The following SORCS1 variants were observed in gnomAD, a reference collection of about 807,000 sequenced individuals.
SORCS1 encodes the protein VPS10 domain-containing receptor SorCS1.
SORCS1 carries 60 observed loss-of-function variants against 146.1 expected under a neutral mutation model. The ratio of observed to expected loss-of-function variants is 0.41; its 90% CI spans 0.33 to 0.51. The LOEUF (loss-of-function observed/expected upper bound fraction) is 0.51. SORCS1 is among the 20% of genes least tolerant of loss of function. The pLI, the probability that SORCS1 is intolerant of heterozygous loss-of-function variation, is 0.21. For missense variants in SORCS1, 1,352 were observed against 1,487.6 expected (o/e 0.91, Z 1.50); for synonymous variants, 637 against 584.0 (o/e 1.09, Z -1.31).
In SORCS1 at chr10:107,134,057, T is replaced by C. The variant is rs150460145; in HGVS notation, c.558+29912A>G. Among the ~76,000 whole-genome samples, 204 of 152,242 alleles carry C rather than the reference T, an allele frequency of 1.3e-3. 2 individuals carry two copies. The highest frequency in any genetic ancestry group is 4.8e-3 in the African/African-American group (201 of 41,530). On this transcript the variant is annotated intron_variant, in intron 1 of 25. Transcript: ENST00000263054. The stretch of plus-strand genomic sequence containing the variant: ...CTACTGTTGCTATTATTACTACTAG[T>C]AGTAGTAGCAGTGCTAGTAGTAGTG...
At chr10:106,628,303 C>G (rs997573235) in intron 19 of SORCS1, among the ~76,000 whole-genome samples, 3 of 152,202 alleles carry the variant, frequency 2.0e-5, no homozygotes, top group Non-Finnish European at 4.4e-5. Context: ...CTAATTGATA[C>G]TTTCTGTATT....
At chr10:106,804,710 T>C (rs535700807) in intron 3 of SORCS1, among the ~76,000 whole-genome samples, 19 of 152,280 alleles carry the variant, frequency 1.2e-4, no homozygotes, top group African/African-American at 4.3e-4. Flanking sequence ...TAAATAGACT[T>C]TTCCTAGCAT....
intron 17 of SORCS1, among the ~76,000 whole-genome samples, chr10:106,653,716 A>G (rs1453304020): frequency 3.3e-5 from 5 of 152,230 alleles, no homozygotes; most frequent in Non-Finnish European, 7.3e-5. Flanking sequence ...TGAACACTAT[A>G]GATCACTACA....
chr10:106,624,253 A>C (rs1200507173), intron 19 of SORCS1, among the ~76,000 whole-genome samples: 1 of 152,124 alleles, frequency 6.6e-6, no homozygotes, highest in African/African-American at 2.4e-5. Flanking sequence ...GTAAGTGAAA[A>C]GACCACGAGG....
At chr10:106,814,789 C>G (rs1947649567) in intron 3 of SORCS1, among the ~76,000 whole-genome samples, 1 of 151,526 alleles carries the variant, frequency 6.6e-6, no homozygotes, top group Non-Finnish European at 1.5e-5. Flanking sequence ...GTGGTGGGCG[C>G]CTGTAGTCCC....
chr10:107,172,162 T>C, the SORCS1 span, among the ~76,000 whole-genome samples: 1 of 152,226 alleles, frequency 6.6e-6, no homozygotes, highest in African/African-American at 2.4e-5. Flanking sequence ...TCTCCATTTC[T>C]CCATCTCTCA....
chr10:107,063,718 G>A (rs942113025), intron 1 of SORCS1, among the ~76,000 whole-genome samples: 1 of 152,128 alleles, frequency 6.6e-6, no homozygotes, highest in Non-Finnish European at 1.5e-5. Context: ...AGCTTTATAT[G>A]TTTAACAATT....
rs1457379410 is a variant in SORCS1, at chr10:107,164,186, T to C, written c.341A>G (p.Asp114Gly). Reference protein sequence around the residue: ...RSGRRRRSGADQEKAERGEGA... With the variant: ...RSGRRRRSGAGQEKAERGEGA... Reference sequence around the variant, plus strand: ...CTCTCCCCGTTCTGCCTTCTCCTGATCCGCTCCGCTCCGTCTCCTCCGGCC... The same window carrying C: ...CTCTCCCCGTTCTGCCTTCTCCTGACCCGCTCCGCTCCGTCTCCTCCGGCC... The change falls in exon 1 of 26, where the codon GAT becomes GGT. Residue 114 changes from aspartate to glycine, a missense_variant. Physicochemically the swap from Asp to Gly is moderately conservative, Grantham distance 94. Transcript: ENST00000263054. This position sits in a 1 kb window ranked among gnomAD's most constrained non-coding sequence, Gnocchi z 6.8. 3 of 1,611,468 alleles carry C rather than the reference T, an allele frequency of 1.9e-6. No homozygotes were observed. Among genetic ancestry groups the C allele is most frequent in the East Asian group, 4.5e-5 (2 of 44,840 alleles).
At chr10:107,045,741 G>A (rs1959322925) in intron 1 of SORCS1, among the ~76,000 whole-genome samples, 2 of 150,034 alleles carry the variant, frequency 1.3e-5, no homozygotes, top group Non-Finnish European at 3.0e-5. Context: ...ATATATTTAT[G>A]TGTGTGTATG....
intron 1 of SORCS1, among the ~76,000 whole-genome samples, chr10:107,091,772 T>C (rs1964196043): frequency 6.6e-6 from 1 of 152,240 alleles, no homozygotes; most frequent in South Asian, 2.1e-4. Context: ...AAAGCCTAAA[T>C]GATCCATTTG....
At chr10:106,733,900 T>A (rs374000352) in intron 5 of SORCS1, among the ~76,000 whole-genome samples, 2 of 152,194 alleles carry the variant, frequency 1.3e-5, no homozygotes, top group Non-Finnish European at 2.9e-5. Context: ...CATGTCTGCA[T>A]AAATGACTCT....
chr10:106,853,274 C>T (rs548125894), intron 2 of SORCS1, among the ~76,000 whole-genome samples: 2 of 152,162 alleles, frequency 1.3e-5, no homozygotes, highest in East Asian at 3.9e-4. Context: ...ACATAATAGT[C>T]CTTTATTGTC....
chr10:106,695,277 C>T (rs1195348504), intron 9 of SORCS1, among the ~76,000 whole-genome samples: 9 of 152,170 alleles, frequency 5.9e-5, no homozygotes, highest in Non-Finnish European at 7.4e-5. Flanking sequence ...CTCGGGCAAT[C>T]AAACTTCTGA....
intron 18 of SORCS1, among the ~76,000 whole-genome samples, chr10:106,636,969 C>G (rs867992241): frequency 2.6e-5 from 4 of 152,146 alleles, no homozygotes; most frequent in African/African-American, 9.7e-5. Context: ...TAACTACAAC[C>G]CTTTAGAGGA....
chr10:106,981,296 T>C (rs1956237368), intron 1 of SORCS1, among the ~76,000 whole-genome samples: 1 of 152,034 alleles, frequency 6.6e-6, no homozygotes, highest in Non-Finnish European at 1.5e-5. Context: ...CCACCAGGAG[T>C]CTGTCCAAAT....
At chr10:107,166,622 G>A (rs753721745), upstream of SORCS1, among the ~76,000 whole-genome samples, 4 of 152,210 alleles carry the variant, frequency 2.6e-5, no homozygotes, top group African/African-American at 4.8e-5. Flanking sequence ...AATTGCAAAT[G>A]TTCTTTGTCA....
At chr10:107,033,363 A>C (rs1958754880) in intron 1 of SORCS1, among the ~76,000 whole-genome samples, 1 of 152,128 alleles carries the variant, frequency 6.6e-6, no homozygotes. Context: ...GTAGAGCCAA[A>C]TCATATCAGC....
intron 18 of SORCS1, among the ~76,000 whole-genome samples, chr10:106,649,012 C>T (rs1009403563): frequency 1.3e-5 from 2 of 152,060 alleles, no homozygotes; most frequent in African/African-American, 2.4e-5. Flanking sequence ...ACTGAGTGGC[C>T]GGACTCCAGT....
intron 1 of SORCS1, among the ~76,000 whole-genome samples, chr10:106,977,174 A>G (rs1956064208): frequency 6.6e-6 from 1 of 152,126 alleles, no homozygotes; most frequent in Admixed American, 6.5e-5. Context: ...AAGCGTTCCT[A>G]TTTCTCCACA....
Sources: allele counts gnomAD v4.1 joint callset (sites outside exome capture counted in the v4.1 genomes callset), GRCh38; gene constraint gnomAD v4.1.1; non-coding constraint Gnocchi (gnomAD v3.1); transcripts MANE v1.5; gene names NCBI Gene and HGNC (gene_info 2026-07-23, HGNC 2026-07-21).